NNT: variants seen among roughly 807,000 people sequenced by gnomAD.
NNT encodes nicotinamide nucleotide transhydrogenase.
NNT carries 50 observed loss-of-function variants against 104.8 expected under a neutral mutation model. That is an observed-to-expected ratio of 0.48 (90% CI 0.38 to 0.60). NNT has a LOEUF of 0.60. NNT is among the 20% of genes least tolerant of loss of function. The probability of loss-of-function intolerance (pLI) is 0.00; values close to 1 mark genes in which losing one functional copy is unlikely to be tolerated. For missense variants in NNT, 1,131 were observed against 1,330.7 expected (o/e 0.85, Z 2.33); for synonymous variants, 461 against 490.4 (o/e 0.94, Z 0.79).
chr5:43,635,064 C>T (rs1314856698), intron 7 of NNT, among the ~76,000 whole-genome samples: 2 of 152,158 alleles, frequency 1.3e-5, no homozygotes, highest in Non-Finnish European at 2.9e-5. Context: ...ACTAGTACTT[C>T]CCTACCATAT....
At chr5:43,689,895 G>A (rs544971836) in intron 19 of NNT, among the ~76,000 whole-genome samples, 51 of 151,952 alleles carry the variant, frequency 3.4e-4, no homozygotes, top group African/African-American at 2.4e-4. Context: ...CAATAGAATC[G>A]AACAAACAGA....
At chr5:43,629,170 C>A (rs114846228) in intron 7 of NNT, among the ~76,000 whole-genome samples, 3,909 of 151,948 alleles carry the variant, frequency 0.026, 70 homozygotes, top group Middle Eastern at 0.044. Context: ...CCACTCTTAA[C>A]CCCTGAGTCC....
intron 17 of NNT, among the ~76,000 whole-genome samples, chr5:43,662,323 A>G (rs888742296): frequency 1.3e-5 from 2 of 152,080 alleles, no homozygotes; most frequent in East Asian, 3.9e-4. Flanking sequence ...TACTTGTTGA[A>G]AGTACTCTCT....
At chr5:43,662,965 T>C (rs1163663954) in intron 17 of NNT, among the ~76,000 whole-genome samples, 1 of 151,832 alleles carries the variant, frequency 6.6e-6, no homozygotes, top group South Asian at 2.1e-4. Context: ...CAGAAAAGGA[T>C]AAATAAAAAA....
intron 21 of NNT, among the ~76,000 whole-genome samples, chr5:43,703,288 C>T (rs958150266): frequency 3.9e-5 from 6 of 152,212 alleles, no homozygotes. Flanking sequence ...TGTAAATTTT[C>T]CTCTGCCTCA....
At chr5:43,694,154 G>T (rs962172649) in intron 19 of NNT, among the ~76,000 whole-genome samples, 1 of 152,198 alleles carries the variant, frequency 6.6e-6, no homozygotes, top group East Asian at 1.9e-4. Context: ...TGCTGAAGTT[G>T]TTTATCAGCT....
chr5:43,650,223 G>A (rs1201539989), intron 11 of NNT, among the ~76,000 whole-genome samples: 1 of 152,206 alleles, frequency 6.6e-6, no homozygotes, highest in Non-Finnish European at 1.5e-5. Flanking sequence ...TTCCAATGCA[G>A]AAGGAGAAAA....
At chr5:43,615,757 A>G in intron 3 of NNT, 91 bp from the exon 4 acceptor site, 1 of 930,722 alleles carries the variant, frequency 1.1e-6, no homozygotes, top group Non-Finnish European at 1.6e-6. Flanking sequence ...GTATTATTTC[A>G]GTCATGGCAT....
At chr5:43,693,743 A>G (rs930079897) in intron 19 of NNT, among the ~76,000 whole-genome samples, 3 of 152,228 alleles carry the variant, frequency 2.0e-5, no homozygotes, top group Admixed American at 6.5e-5. Flanking sequence ...ACTAGCTGTA[A>G]TATTGCCAAA....
At chr5:43,695,321 G>GGA (rs1742503499) in intron 19 of NNT, among the ~76,000 whole-genome samples, 1 of 152,140 alleles carries the variant, frequency 6.6e-6, no homozygotes, top group Non-Finnish European at 1.5e-5. Context: ...TGAAGAGTGG[G>GGA]GAGGCCTGGC....
Position 43,705,709 on chromosome 5 carries a change from A to C in NNT, c.*1305A>C, listed in dbSNP as rs569254928. The C allele has an allele frequency of 6.6e-6, 1 of 152,188 alleles. No individual in the cohort carries two copies. Among genetic ancestry groups the C allele is most frequent in the African/African-American group, 2.4e-5 (1 of 41,534 alleles). The allele number at this position is 152,188 out of a possible 1,614,324, so 9.4% of individuals were successfully genotyped here. ...CTCGCGTTTAGTGAGTTTAAAACAC[A>C]CAGTATCTTTTGGTTTTATAATCAG... On this transcript the variant is annotated 3_prime_UTR_variant, in exon 22 of 22. Coordinates refer to ENST00000344920, the MANE Select transcript of NNT (RefSeq NM_182977.3).
intron 17 of NNT, among the ~76,000 whole-genome samples, chr5:43,666,465 G>C (rs1022562536): frequency 1.3e-5 from 2 of 152,074 alleles, no homozygotes; most frequent in African/African-American, 2.4e-5. Context: ...GGCAGCGCGC[G>C]CCTGCAATCC....
At chr5:43,700,015 CAG>C (rs1742766675) in intron 19 of NNT, 102 bp from the exon 20 acceptor site, 1 of 768,852 alleles carries the variant, frequency 1.3e-6, no homozygotes. Context: ...CAGAAAAAAG[CAG>C]AGGTGCCAAG....
At chr5:43,677,603 T>C in intron 18 of NNT, 122 bp from the exon 19 acceptor site, 1 of 815,034 alleles carries the variant, frequency 1.2e-6, no homozygotes, top group Non-Finnish European at 2.0e-6. Flanking sequence ...CTTTCATTTC[T>C]AGTCCTGTTA....
chr5:43,611,582 C>T (rs1390558813), intron 2 of NNT, among the ~76,000 whole-genome samples: 1 of 152,132 alleles, frequency 6.6e-6, no homozygotes, highest in Non-Finnish European at 1.5e-5. Context: ...TAAGATTCAG[C>T]ATTATTTGCC....
chr5:43,609,163 T>C lies in NNT; in HGVS notation c.-33T>C. On this transcript the variant is annotated 5_prime_UTR_variant, in exon 2 of 22. Coordinates refer to ENST00000344920, the MANE Select transcript of NNT (RefSeq NM_182977.3). ...CTTAGTGATTTGCCTTCAAGGAAAC[T>C]GGGGAGTCAGAAAATTGGGAACTCA... 3 of 1,584,436 alleles carry C rather than the reference T, an allele frequency of 1.9e-6. No individual in the cohort carries two copies. Among genetic ancestry groups the C allele is most frequent in the African/African-American group, 1.3e-5 (1 of 74,148 alleles).
intron 19 of NNT, 83 bp from the exon 20 acceptor site, chr5:43,700,036 G>A (rs1358432550): frequency 5.0e-6 from 5 of 1,004,390 alleles, no homozygotes; most frequent in South Asian, 1.6e-5. Context: ...AGAACAAAGT[G>A]TGCAGATTTG....
At chr5:43,691,070 A>AGAGAGTGT (rs1245517310) in intron 19 of NNT, among the ~76,000 whole-genome samples, 21 of 137,398 alleles carry the variant, frequency 1.5e-4, no homozygotes, top group Non-Finnish European at 2.4e-4. Context: ...TTTTTGAGAG[A>AGAGAGTGT]GTGTGTGTGT....
At chr5:43,642,433 T>C (rs983094807) in intron 7 of NNT, among the ~76,000 whole-genome samples, 4 of 152,178 alleles carry the variant, frequency 2.6e-5, no homozygotes, top group Non-Finnish European at 5.9e-5. Context: ...CTTTGTTAGA[T>C]TACAGTACGG....
Sources: gnomAD v4.1 joint callset for allele counts (sites outside exome capture counted in the v4.1 genomes callset) on GRCh38, gnomAD v4.1.1 for gene constraint, MANE v1.5 for transcripts, NCBI Gene and HGNC (gene_info 2026-07-23, HGNC 2026-07-21) for gene names.